The following CFAP46 variants were observed in gnomAD, a reference collection of about 807,000 sequenced individuals.
The protein encoded by CFAP46 is cilia- and flagella-associated protein 46.
CFAP46 carries 245 observed loss-of-function variants against 325.7 expected under a neutral mutation model. The observed-to-expected ratio is 0.75, with a 90% CI of 0.68 to 0.84. CFAP46 has a LOEUF of 0.84. Ranked by LOEUF, CFAP46 falls within the 40% of genes least tolerant of loss-of-function variation. The probability of loss-of-function intolerance (pLI) is 0.00; values close to 1 mark genes in which losing one functional copy is unlikely to be tolerated. For missense variants in CFAP46, 3,346 were observed against 3,543.0 expected (o/e 0.94, Z 1.41); for synonymous variants, 1,523 against 1,495.9 (o/e 1.02, Z -0.42).
At position 132,827,696 on chromosome 10, in the gene CFAP46, G is replaced by A. The variant is rs1050698408; in HGVS notation, c.7117+5662C>T. Among the ~76,000 whole-genome samples the A allele has an allele frequency of 2.0e-5, 3 of 152,036 alleles. No homozygotes were observed. The highest frequency in any genetic ancestry group is 4.4e-5 in the Non-Finnish European group (3 of 68,030). ...AGTCATCGCCACAGCGAAGGTCACG[G>A]CACACCCAGCCCCAGGAGCTTCCCC... On this transcript the variant is annotated intron_variant, in intron 50 of 57. Transcript: ENST00000368586. The surrounding 1 kb of genome is among the most constrained non-coding windows in gnomAD (Gnocchi z 5.7).
At position 132,852,554 on chromosome 10, in the gene CFAP46, C is replaced by T. The variant is rs539293918; in HGVS notation, c.5575-1249G>A. Among the ~76,000 whole-genome samples, 9 of 152,324 alleles carry T rather than the reference C, an allele frequency of 5.9e-5. No homozygotes were observed. The South Asian group carries it at 1.2e-3, about 21-fold the overall frequency. On this transcript the variant is annotated intron_variant, in intron 39 of 57. Transcript: ENST00000368586. ...ACATTCTCAGATCCTGACCCACAGA[C>T]GTGGTATGTTTCTCTATTTACTTAG... is the stretch of plus-strand genomic sequence containing the variant.
In CFAP46 at chr10:132,909,440, C is replaced by T. The variant is rs117010983; in HGVS notation, c.2650-196G>A. ...CTCATACAACGAGGAGCCCCAAGTC[C>T]GTGCGGCCCCCATGTGTGAGGCAGC... On this transcript the variant is annotated intron_variant, in intron 20 of 57. Transcript: ENST00000368586. Among the ~76,000 whole-genome samples the T allele has an allele frequency of 1.4e-3, 209 of 152,362 alleles. 8 individuals carry two copies. The East Asian group carries it at 0.034, about 25-fold the overall frequency.
At chr10:132,928,957 C>T (rs1193386537) in intron 9 of CFAP46, among the ~76,000 whole-genome samples, 1 of 152,176 alleles carries the variant, frequency 6.6e-6, no homozygotes, top group Non-Finnish European at 1.5e-5. Context: ...TAAATATACT[C>T]ATCTTAGGGA....
At chr10:132,880,445 A>G (rs1025108572) in intron 28 of CFAP46, among the ~76,000 whole-genome samples, 56 of 152,318 alleles carry the variant, frequency 3.7e-4, no homozygotes, top group African/African-American at 1.3e-3. Context: ...TCGAGTCAGA[A>G]GCAACTTTGG....
chr10:132,898,037 C>T (rs1849341502), intron 24 of CFAP46, among the ~76,000 whole-genome samples: 2 of 152,222 alleles, frequency 1.3e-5, no homozygotes, highest in Admixed American at 1.3e-4. Flanking sequence ...TGCAGCTCTG[C>T]TTCTCTTAGA....
Position 132,937,679 on chromosome 10 carries a change from G to C in CFAP46, c.537-4C>G. ...CAGATAACACTCCAGAAGTTCCCTG[G>C]ATAATAGAAACACACCACTGGTCAA... is the stretch of plus-strand genomic sequence containing the variant. On this transcript the variant is annotated splice_region_variant and splice_polypyrimidine_tract_variant and intron_variant, in intron 5 of 57. Transcript: ENST00000368586. 1.2e-6 allele frequency: 2 copies of C among 1,600,084 alleles called. No individual in the cohort carries two copies. Among genetic ancestry groups the C allele is most frequent in the Non-Finnish European group, 1.7e-6 (2 of 1,172,614 alleles).
At chr10:132,821,689 C>CTG (rs1248326651) in intron 50 of CFAP46, among the ~76,000 whole-genome samples, 1 of 118,984 alleles carries the variant, frequency 8.4e-6, no homozygotes, top group African/African-American at 3.6e-5. Flanking sequence ...CTGATGTGTG[C>CTG]TGTGTGCTGA....
Position 132,812,775 on chromosome 10 carries a change from C to T in CFAP46, c.7501+10G>A. ...CGCGGGGGAGGGGGTGCTGAGAGGA[C>T]ACCTCTCACCTTGCAAGTTCATGGC... On this transcript the variant is annotated intron_variant, in intron 55 of 57. Transcript: ENST00000368586. 1.3e-6 allele frequency: 2 copies of T among 1,578,704 alleles called. No individual in the cohort carries two copies. Among genetic ancestry groups the T allele is most frequent in the Non-Finnish European group, 1.7e-6 (2 of 1,149,850 alleles).
Position 132,939,188 on chromosome 10 carries a change from T to C in CFAP46, c.372-435A>G, listed in dbSNP as rs1219103245. Among the ~76,000 whole-genome samples the C allele has an allele frequency of 6.6e-6, 1 of 152,196 alleles. No homozygotes were observed. Among genetic ancestry groups the C allele is most frequent in the Admixed American group, 6.5e-5 (1 of 15,292 alleles). On this transcript the variant is annotated intron_variant, in intron 4 of 57. Coordinates refer to ENST00000368586, the MANE Select transcript of CFAP46 (RefSeq NM_001200049.3). The surrounding 1 kb of genome is among the most constrained non-coding windows in gnomAD (Gnocchi z 4.6). ...GGAAGGCTTCCTGGAGGAGGTTACA[T>C]GCCTGCTGTGACCTGAAAGATGTCA...
At chr10:132,936,223 C>T (rs1241128822) in intron 7 of CFAP46, among the ~76,000 whole-genome samples, 2 of 119,318 alleles carry the variant, frequency 1.7e-5, no homozygotes, top group Non-Finnish European at 3.5e-5. Flanking sequence ...TCACTCCCCT[C>T]GGCACCCAAA....
chr10:132,942,294 A>C, intron 1 of CFAP46, 142 bp downstream of exon 1: 1 of 882,870 alleles, frequency 1.1e-6, no homozygotes, highest in Non-Finnish European at 1.5e-6. Context: ...GACGATCGGG[A>C]GGTGGGGGCT....
chr10:132,863,310 G>T lies in CFAP46; in HGVS notation c.4891-2328C>A, dbSNP rs561109903. Among the ~76,000 whole-genome samples, 8 of 152,244 alleles carry T rather than the reference G, an allele frequency of 5.3e-5. No homozygotes were observed. In the South Asian group the frequency reaches 1.7e-3, roughly 32 times the overall value. On this transcript the variant is annotated intron_variant, in intron 35 of 57. Transcript: ENST00000368586. ...CTCGGAGGCTTGACTCTTGCCCCGG[G>T]AGCTCCCAGGAGCTCTTCCACACCT...
At chr10:132,929,506 A>T (rs1265273041) in intron 9 of CFAP46, 199 bp downstream of exon 9, 1 of 781,428 alleles carries the variant, frequency 1.3e-6, no homozygotes, top group South Asian at 1.3e-5. Flanking sequence ...GTAAAGAGAA[A>T]CGGGCAGGTG....
In CFAP46 at chr10:132,941,725, G is replaced by T; in HGVS notation, c.175-3C>A. 1 of 1,613,900 alleles carries T rather than the reference G, an allele frequency of 6.2e-7. No individual in the cohort carries two copies. The highest frequency in any genetic ancestry group is 1.1e-5 in the South Asian group (1 of 91,060). On this transcript the variant is annotated splice_polypyrimidine_tract_variant and splice_region_variant and intron_variant, in intron 2 of 57. Transcript: ENST00000368586. ...TCGCTCACCTCTGGCTGCCTCATCTGCAAGAGAACACCACCACAGAAGATC... is the reference window on the plus strand; with the variant it reads ...TCGCTCACCTCTGGCTGCCTCATCTTCAAGAGAACACCACCACAGAAGATC...
rs368442191 is a variant in CFAP46 at position 132,854,482 on chromosome 10, C to T, written c.5574+3108G>A. On this transcript the variant is annotated intron_variant, in intron 39 of 57. Coordinates refer to ENST00000368586, the MANE Select transcript of CFAP46 (RefSeq NM_001200049.3). ...CCTCCCGAGTAGCTGGGATTACAGG[C>T]GCCCGCCACCATGCCTGGTTAATTT... 6.3e-3 allele frequency among the ~76,000 whole-genome samples: 962 copies of T among 152,218 alleles called. 9 individuals carry two copies. Among genetic ancestry groups the T allele is most frequent in the African/African-American group, 0.019 (805 of 41,522 alleles).
chr10:132,941,491 T>C (rs1429785471), intron 3 of CFAP46, 100 bp downstream of exon 3: 30 of 1,452,292 alleles, frequency 2.1e-5, no homozygotes, highest in Non-Finnish European at 2.3e-5. Context: ...TTCACTCTAC[T>C]ACCCTAAGAA....
intron 50 of CFAP46, among the ~76,000 whole-genome samples, chr10:132,822,847 G>A (rs1222162566): frequency 7.7e-6 from 1 of 129,430 alleles, no homozygotes; most frequent in African/African-American, 2.9e-5. Flanking sequence ...GCTGATGTGT[G>A]CACTGTGTGC....
In CFAP46 at chr10:132,936,974, T is replaced by C. The variant is rs756915412; in HGVS notation, c.742A>G (p.Asn248Asp). 23 of 1,540,596 alleles carry C rather than the reference T, an allele frequency of 1.5e-5. No individual in the cohort carries two copies. Among genetic ancestry groups the C allele is most frequent in the East Asian group, 2.3e-5 (1 of 43,450 alleles). The change falls in exon 7 of 58, where the codon AAT becomes GAT. Residue 248 changes from asparagine (N) to aspartate (D), a missense_variant. Coordinates refer to ENST00000368586, the MANE Select transcript of CFAP46 (RefSeq NM_001200049.3). Reference protein sequence around the residue: ...SISLSVTFYINMLKAKAEQND... With the variant: ...SISLSVTFYIDMLKAKAEQND... ...AAAACGACTTACGCCTTTAGCATAT[T>C]AATATAGAAAGTGACTGACAGGCTA...
chr10:132,941,176 TGTATCC>T (rs1340871954), intron 3 of CFAP46, 116 bp from the exon 4 acceptor site: 2 of 1,001,492 alleles, frequency 2.0e-6, no homozygotes, highest in Non-Finnish European at 3.1e-6. Flanking sequence ...GTGTCACCTG[TGTATCC>T]ACAGGTGACG....
Sources: gnomAD v4.1 joint callset for allele counts (sites outside exome capture counted in the v4.1 genomes callset) on GRCh38, gnomAD v4.1.1 for gene constraint, Gnocchi (gnomAD v3.1) non-coding constraint, MANE v1.5 for transcripts, NCBI Gene and HGNC (gene_info 2026-07-23, HGNC 2026-07-21) for gene names.